The following MASTL variants were observed in gnomAD, a reference collection of about 807,000 sequenced individuals.
The protein encoded by MASTL is serine/threonine-protein kinase greatwall.
MASTL carries 54 observed loss-of-function variants against 82.5 expected under a neutral mutation model. The observed-to-expected ratio is 0.65, with a 90% CI of 0.53 to 0.82. The LOEUF (loss-of-function observed/expected upper bound fraction) is 0.82. MASTL is among the 40% of genes least tolerant of loss of function. The probability of loss-of-function intolerance (pLI) is 0.00; values close to 1 mark genes in which losing one functional copy is unlikely to be tolerated. For missense variants in MASTL, 950 were observed against 1,047.8 expected (o/e 0.91, Z 1.29); for synonymous variants, 323 against 368.9 (o/e 0.88, Z 1.43).
At chr10:27,180,557 A>AT (rs759753082) in intron 9 of MASTL, among the ~76,000 whole-genome samples, 13 of 152,008 alleles carry the variant, frequency 8.6e-5, no homozygotes, top group Non-Finnish European at 1.8e-4. Flanking sequence ...ACGCCTGGCC[A>AT]ATTTTTGTAT....
At chr10:27,180,212 G>A (rs1340893109) in intron 9 of MASTL, among the ~76,000 whole-genome samples, 2 of 152,174 alleles carry the variant, frequency 1.3e-5, no homozygotes, top group Non-Finnish European at 2.9e-5. Context: ...TTTATTAGAC[G>A]AAGTAGGAAA....
At chr10:27,182,740 C>T (rs2058393929) in intron 11 of MASTL, among the ~76,000 whole-genome samples, 2 of 150,662 alleles carry the variant, frequency 1.3e-5, no homozygotes, top group South Asian at 4.2e-4. Context: ...GAGACTCTGG[C>T]TCAAAAAAAA....
At position 27,170,767 on chromosome 10, in the gene MASTL, A is replaced by G. The variant is rs183081988; in HGVS notation, c.1808A>G (p.Asn603Ser). The G allele has an allele frequency of 1.5e-5, 24 of 1,614,120 alleles. No individual in the cohort carries two copies. In the Admixed American group the frequency reaches 3.8e-4, roughly 26 times the overall value. The stretch of plus-strand genomic sequence containing the variant: ...AAAGAATCCTCTTTTGAAGAATCAA[A>G]TATTGAAGATCCACTTATTGTAACA... The part of the protein sequence containing the change: ...SIKESSFEES[N>S]IEDPLIVTPD... The change falls in exon 8 of 12, where the codon AAT becomes AGT. Residue 603 changes from asparagine to serine, a missense_variant. Asn to Ser is a conservative substitution (Grantham distance 46). Coordinates refer to ENST00000375940, the MANE Select transcript of MASTL (RefSeq NM_001172303.3).
chr10:27,161,990 A>G (rs1224183607), intron 4 of MASTL, among the ~76,000 whole-genome samples: 4 of 152,238 alleles, frequency 2.6e-5, no homozygotes, highest in Non-Finnish European at 4.4e-5. Flanking sequence ...TTTCACTAGT[A>G]GTAATTAAAT....
At chr10:27,165,815 C>T (rs941150007) in intron 6 of MASTL, among the ~76,000 whole-genome samples, 4 of 151,766 alleles carry the variant, frequency 2.6e-5, no homozygotes, top group African/African-American at 9.7e-5. Flanking sequence ...GCAGGAGGAT[C>T]GCTTGAGCCC....
intron 9 of MASTL, among the ~76,000 whole-genome samples, chr10:27,174,345 ACT>A (rs1323914250): frequency 1.3e-5 from 2 of 151,746 alleles, no homozygotes; most frequent in African/African-American, 2.4e-5. Flanking sequence ...ACAGAGCAAG[ACT>A]CTGTCTAAAA....
At chr10:27,182,187 A>G (rs2058358413) in intron 11 of MASTL, among the ~76,000 whole-genome samples, 1 of 150,698 alleles carries the variant, frequency 6.6e-6, no homozygotes, top group Non-Finnish European at 1.5e-5. Context: ...GGAGGCGGAC[A>G]TTGCAGTGAC....
At chr10:27,185,958 A>T (rs1334130635) in intron 11 of MASTL, among the ~76,000 whole-genome samples, 1 of 151,904 alleles carries the variant, frequency 6.6e-6, no homozygotes, top group African/African-American at 2.4e-5. Flanking sequence ...GTGTGGTGGC[A>T]CACACCTGTA....
rs553237554 is a variant in MASTL at position 27,187,156 on chromosome 10, C to T, written c.*620C>T. 1.4e-4 allele frequency among the ~76,000 whole-genome samples: 22 copies of T among 152,110 alleles called. No individual in the cohort carries two copies. The highest frequency in any genetic ancestry group is 2.6e-4 in the Admixed American group (4 of 15,274). On this transcript the variant is annotated 3_prime_UTR_variant, in exon 12 of 12. Coordinates refer to ENST00000375940, the MANE Select transcript of MASTL (RefSeq NM_001172303.3). ...CTCTACTGTAAATACACAAATTAGCCGGGCATGTTGGTGGGCGCCTGTAGT... is the reference window on the plus strand; with the variant it reads ...CTCTACTGTAAATACACAAATTAGCTGGGCATGTTGGTGGGCGCCTGTAGT...
At position 27,180,805 on chromosome 10, in the gene MASTL, G is replaced by A. The variant is rs74482985; in HGVS notation, c.2267-148G>A. The A allele has an allele frequency of 0.048, 33,132 of 690,136 alleles. 947 individuals are homozygous for A. Among genetic ancestry groups the A allele is most frequent in the African/African-American group, 0.083 (4,686 of 56,586 alleles). The allele number at this position is 690,136 out of a possible 1,614,324, so 42.8% of individuals were successfully genotyped here. On this transcript the variant is annotated intron_variant, in intron 9 of 11. Coordinates refer to ENST00000375940, the MANE Select transcript of MASTL (RefSeq NM_001172303.3). ...CTGGACCATGAGGAAAGGCAGACTT[G>A]CAGCTTATCTGCTTTTTCTTTTTGC...
intron 9 of MASTL, among the ~76,000 whole-genome samples, chr10:27,174,908 A>G (rs1363144821): frequency 6.6e-6 from 1 of 152,112 alleles, no homozygotes. Context: ...AGTTCAACCC[A>G]TAACATCAAC....
At chr10:27,167,794 GACTT>G (rs1262150237) in intron 7 of MASTL, among the ~76,000 whole-genome samples, 3 of 152,086 alleles carry the variant, frequency 2.0e-5, no homozygotes, top group African/African-American at 7.2e-5. Flanking sequence ...CAAATGAATG[GACTT>G]ACTTAAAGTC....
chr10:27,185,786 CAA>C (rs59621747), intron 11 of MASTL, among the ~76,000 whole-genome samples: 2 of 141,222 alleles, frequency 1.4e-5, no homozygotes. Context: ...GACTCCATTT[CAA>C]AAAAAAAAAA....
At chr10:27,162,990 C>T (rs2057621748) in intron 4 of MASTL, among the ~76,000 whole-genome samples, 1 of 151,904 alleles carries the variant, frequency 6.6e-6, no homozygotes, top group Admixed American at 6.6e-5. Flanking sequence ...GATCTCGGCT[C>T]ACTACAACAT....
At chr10:27,175,657 C>T (rs149812938) in intron 9 of MASTL, among the ~76,000 whole-genome samples, 1 of 152,318 alleles carries the variant, frequency 6.6e-6, no homozygotes, top group Non-Finnish European at 1.5e-5. Context: ...ATGTTCATCT[C>T]ATCACTCCCA....
chr10:27,162,416 A>G (rs191764337), intron 4 of MASTL, among the ~76,000 whole-genome samples: 1 of 152,300 alleles, frequency 6.6e-6, no homozygotes, highest in Admixed American at 6.5e-5. Context: ...TAATCCCAGC[A>G]CTCTGGGAGG....
Position 27,186,642 on chromosome 10 carries a change from C to G in MASTL, c.*106C>G, listed in dbSNP as rs776018282. The G allele has an allele frequency of 2.8e-6, 3 of 1,068,320 alleles. No individual in the cohort carries two copies. Among genetic ancestry groups the G allele is most frequent in the Non-Finnish European group, 4.4e-6 (3 of 688,538 alleles). 66.2% of individuals were successfully genotyped at this position (1,068,320 alleles called of 1,614,324 possible). On this transcript the variant is annotated 3_prime_UTR_variant, in exon 12 of 12. Coordinates refer to ENST00000375940, the MANE Select transcript of MASTL (RefSeq NM_001172303.3). Reference sequence around the variant, plus strand: ...CTAAGGGGGAAAGATCATTATTTAACCTAGTTCAATGTGCTTTTAATGTAC... The same window carrying G: ...CTAAGGGGGAAAGATCATTATTTAAGCTAGTTCAATGTGCTTTTAATGTAC...
At chr10:27,173,043 G>C (rs2057999617) in intron 8 of MASTL, 75 bp from the exon 9 acceptor site, 3 of 1,568,430 alleles carry the variant, frequency 1.9e-6, no homozygotes, top group Admixed American at 1.7e-5. Flanking sequence ...TATTTGGCTT[G>C]TGTGTTTCAC....
chr10:27,158,114 A>G (rs2057453055), intron 1 of MASTL, among the ~76,000 whole-genome samples: 2 of 152,080 alleles, frequency 1.3e-5, no homozygotes, highest in Admixed American at 6.6e-5. Flanking sequence ...CGTCTTAACT[A>G]TTTTTTGTAC....
Sources: allele counts gnomAD v4.1 joint callset (sites outside exome capture counted in the v4.1 genomes callset), GRCh38; gene constraint gnomAD v4.1.1; transcripts MANE v1.5; gene names NCBI Gene and HGNC (gene_info 2026-07-23, HGNC 2026-07-21).